Variants in FAM13A observed in about 807,000 individuals in gnomAD.
The protein encoded by FAM13A is family with sequence similarity 13 member A, also known as protein FAM13A.
A neutral mutation model predicts 129.6 loss-of-function variants in FAM13A; 76 were observed. The observed-to-expected ratio is 0.59, with a 90% CI of 0.49 to 0.71. The LOEUF is 0.71. FAM13A is among the 30% of genes least tolerant of loss of function. The pLI, the probability that FAM13A is intolerant of heterozygous loss-of-function variation, is 0.00. For synonymous variants in FAM13A, 443 were observed against 449.9 expected, an observed-to-expected ratio of 0.98 and a Z score of 0.20; for missense variants, 1,108 against 1,249.3, an observed-to-expected ratio of 0.89 and a Z score of 1.70.
intron 11 of FAM13A, among the ~76,000 whole-genome samples, chr4:88,774,496 C>A (rs1486173432): frequency 6.6e-6 from 1 of 151,960 alleles, no homozygotes; most frequent in East Asian, 1.9e-4. Context: ...TTGATACCAC[C>A]CAGAAAATCA....
intron 3 of FAM13A, among the ~76,000 whole-genome samples, chr4:89,014,885 G>A (rs918427946): frequency 2.0e-5 from 3 of 152,192 alleles, no homozygotes; most frequent in Non-Finnish European, 2.9e-5. Context: ...GGGAACAAGG[G>A]AGATAACCAT....
chr4:88,764,385 A>C (rs1308163022), intron 13 of FAM13A, among the ~76,000 whole-genome samples: 1 of 152,158 alleles, frequency 6.6e-6, no homozygotes, highest in Non-Finnish European at 1.5e-5. Flanking sequence ...GCAGTTAATA[A>C]TTCTTACTTG....
chr4:88,923,122 C>T lies in FAM13A; in HGVS notation c.759+14966G>A, dbSNP rs1252112230. The stretch of plus-strand genomic sequence containing the variant: ...TCACAGCCGAATTCTACCAGAGGTA[C>T]AAGGAGGAACTGGTACCATTCCTTC... On this transcript the variant is annotated intron_variant, in intron 5 of 23. Transcript: ENST00000264344. Among the ~76,000 whole-genome samples the T allele has an allele frequency of 5.3e-5, 8 of 152,000 alleles. 1 individual carries two copies. The highest frequency in any genetic ancestry group is 5.2e-4 in the Admixed American group (8 of 15,268).
chr4:88,964,334 C>A (rs1400167808), intron 4 of FAM13A, among the ~76,000 whole-genome samples: 3 of 151,978 alleles, frequency 2.0e-5, no homozygotes, highest in Admixed American at 6.6e-5. Flanking sequence ...GTATAAATAA[C>A]ATAATTAATA....
chr4:88,954,760 C>T (rs975315778), intron 4 of FAM13A, among the ~76,000 whole-genome samples: 1 of 151,886 alleles, frequency 6.6e-6, no homozygotes, highest in African/African-American at 2.4e-5. Flanking sequence ...GTGGTGCGCG[C>T]CTATAATCAC....
At chr4:88,823,201 T>C in intron 7 of FAM13A, 1 of 1,441,202 alleles carries the variant, frequency 6.9e-7, no homozygotes, top group Non-Finnish European at 9.1e-7. Context: ...CTTCAGGCAA[T>C]GCTATTTTAT....
intron 8 of FAM13A, among the ~76,000 whole-genome samples, chr4:88,800,204 T>A (rs2904251): frequency 0.28 from 43,092 of 152,084 alleles, 6,324 homozygotes; most frequent in East Asian, 0.36. Flanking sequence ...TTTTACAAGA[T>A]GCAAAGAGTT....
intron 4 of FAM13A, among the ~76,000 whole-genome samples, chr4:88,944,141 G>A (rs768840318): frequency 1.7e-4 from 26 of 152,010 alleles, no homozygotes; most frequent in Non-Finnish European, 1.3e-4. Context: ...TGTGGGAGGT[G>A]GACTTGAGGC....
chr4:88,892,079 C>T (rs758468515), intron 6 of FAM13A, among the ~76,000 whole-genome samples: 23 of 151,696 alleles, frequency 1.5e-4, no homozygotes, highest in Non-Finnish European at 2.6e-4. Flanking sequence ...GAGTCTGAGG[C>T]AGGCAGATCA....
At chr4:89,000,207 A>C (rs1764069240) in intron 3 of FAM13A, among the ~76,000 whole-genome samples, 1 of 152,224 alleles carries the variant, frequency 6.6e-6, no homozygotes, top group Admixed American at 6.5e-5. Context: ...ACTCAAGAGA[A>C]ATGAAAGCAT....
intron 6 of FAM13A, among the ~76,000 whole-genome samples, chr4:88,866,839 G>A (rs960733447): frequency 2.0e-5 from 3 of 152,066 alleles, no homozygotes; most frequent in African/African-American, 4.8e-5. Flanking sequence ...AATGTGTGGA[G>A]ACTTTAATAT....
At chr4:88,804,048 A>T (rs1027472394) in intron 8 of FAM13A, among the ~76,000 whole-genome samples, 1 of 151,798 alleles carries the variant, frequency 6.6e-6, no homozygotes, top group Non-Finnish European at 1.5e-5. Flanking sequence ...CGAGGTCAGG[A>T]GTTCAAGACC....
chr4:88,820,794 GA>G (rs1731740024), intron 7 of FAM13A, among the ~76,000 whole-genome samples: 2 of 152,162 alleles, frequency 1.3e-5, no homozygotes. Context: ...GATTTGATTT[GA>G]AAAATAAGTT....
intron 4 of FAM13A, among the ~76,000 whole-genome samples, chr4:88,958,261 T>A (rs1758068369): frequency 6.6e-6 from 1 of 152,188 alleles, no homozygotes. Context: ...GAAAAAAGAA[T>A]GGTTTCCTGG....
At chr4:89,053,261 C>T (rs2149188276) in intron 1 of FAM13A, among the ~76,000 whole-genome samples, 1 of 152,314 alleles carries the variant, frequency 6.6e-6, no homozygotes, top group South Asian at 2.1e-4. Context: ...GTTTGCCATA[C>T]ATCTTTCCAT....
At chr4:88,860,912 C>T (rs576636605) in intron 6 of FAM13A, among the ~76,000 whole-genome samples, 25 of 152,158 alleles carry the variant, frequency 1.6e-4, no homozygotes, top group Non-Finnish European at 3.4e-4. Context: ...ACAAAATGTG[C>T]ATTCTCAATG....
chr4:88,792,119 G>A (rs1415418797), intron 8 of FAM13A, among the ~76,000 whole-genome samples: 1 of 151,924 alleles, frequency 6.6e-6, no homozygotes, highest in African/African-American at 2.4e-5. Flanking sequence ...GACTTACTGA[G>A]TACTTACTAT....
chr4:89,033,510 G>A (rs1768976554), intron 1 of FAM13A, among the ~76,000 whole-genome samples: 1 of 152,166 alleles, frequency 6.6e-6, no homozygotes, highest in South Asian at 2.1e-4. Context: ...CTAGATAGTG[G>A]TGAGAATAAA....
At chr4:88,793,762 A>T (rs1490983201) in intron 8 of FAM13A, among the ~76,000 whole-genome samples, 1 of 152,012 alleles carries the variant, frequency 6.6e-6, no homozygotes, top group Non-Finnish European at 1.5e-5. Flanking sequence ...TAAAGTTTAC[A>T]TGATTACAAA....
Sources: gnomAD v4.1 joint callset for allele counts (sites outside exome capture counted in the v4.1 genomes callset) on GRCh38, gnomAD v4.1.1 for gene constraint, MANE v1.5 for transcripts, NCBI Gene and HGNC (gene_info 2026-07-23, HGNC 2026-07-21) for gene names.